The following CSMD1 variants were observed in gnomAD, a reference collection of about 807,000 sequenced individuals.
The protein encoded by CSMD1 is CUB and sushi domain-containing protein 1.
A neutral mutation model predicts 417.5 loss-of-function variants in CSMD1; 213 were observed. The ratio of observed to expected loss-of-function variants is 0.51; its 90% CI spans 0.46 to 0.57. CSMD1 has a LOEUF of 0.57. Among genes scored for constraint, CSMD1 ranks in the 20% least tolerant of loss-of-function variants. The pLI, the probability that CSMD1 is intolerant of heterozygous loss-of-function variation, is 0.00. For synonymous variants in CSMD1, 2,862 were observed against 1,736.8 expected (o/e 1.65, Z -16.11); for missense variants, 6,923 against 4,529.7 (o/e 1.53, Z -15.17).
At chr8:4,122,569 G>T (rs1802545994) in intron 3 of CSMD1, among the ~76,000 whole-genome samples, 1 of 152,132 alleles carries the variant, frequency 6.6e-6, no homozygotes, top group South Asian at 2.1e-4. Context: ...CCCAATGTTT[G>T]GAGGACATCG....
At position 3,402,979 on chromosome 8, in the gene CSMD1, G is replaced by C. The variant is rs1812131936; in HGVS notation, c.2266+3048C>G. On this transcript the variant is annotated intron_variant, in intron 15 of 69. Transcript: ENST00000635120. ...TCTCATAGAAAGTACTGTTCTAATG[G>C]TTTCCAGATGGGATAGTATAGGCAT... Among the ~76,000 whole-genome samples, 3 of 152,172 alleles carry C rather than the reference G, an allele frequency of 2.0e-5. No homozygotes were observed. The South Asian group carries it at 6.2e-4, about 32-fold the overall frequency.
chr8:4,337,809 G>C (rs917561343), intron 3 of CSMD1, among the ~76,000 whole-genome samples: 1 of 152,098 alleles, frequency 6.6e-6, no homozygotes, highest in Non-Finnish European at 1.5e-5. Flanking sequence ...TTTTTAATCA[G>C]TAGAATAAAT....
At chr8:3,805,932 C>G (rs10103340) in intron 5 of CSMD1, among the ~76,000 whole-genome samples, 53,761 of 151,806 alleles carry the variant, frequency 0.35, 9,825 homozygotes, top group Middle Eastern at 0.42. Flanking sequence ...AAAGCACTGA[C>G]ACACCTGCTC....
chr8:4,289,078 AATT>A (rs1311247237), intron 3 of CSMD1, among the ~76,000 whole-genome samples: 1 of 152,206 alleles, frequency 6.6e-6, no homozygotes, highest in African/African-American at 2.4e-5. Context: ...ATGAAAATAA[AATT>A]ATATTTGGTG....
intron 1 of CSMD1, among the ~76,000 whole-genome samples, chr8:4,677,080 TAG>T (rs1446605440): frequency 6.8e-6 from 1 of 146,218 alleles, no homozygotes; most frequent in East Asian, 2.0e-4. Context: ...ATGATATATA[TAG>T]GGATATATAT....
intron 3 of CSMD1, among the ~76,000 whole-genome samples, chr8:4,242,799 G>A (rs1388763420): frequency 1.3e-5 from 2 of 152,174 alleles, no homozygotes; most frequent in Non-Finnish European, 2.9e-5. Flanking sequence ...TATAAAGTTG[G>A]AGGAAACCTT....
rs535614689 is a variant in CSMD1 at position 4,361,965 on chromosome 8, AAAAT to A, written c.415+57984_415+57987del. Among the ~76,000 whole-genome samples the A allele has an allele frequency of 1.0e-3, 152 of 151,956 alleles. 1 individual carries two copies. The highest frequency in any genetic ancestry group is 3.4e-3 in the African/African-American group (139 of 41,460). ...GGGCAACACAGCAAGACTCCATCTC[AAAAT>A]AAATAAATAAATAAATAAATAAAGT... On this transcript the variant is annotated intron_variant, in intron 3 of 69. Transcript: ENST00000635120.
chr8:4,751,819 T>G (rs914444078), intron 1 of CSMD1, among the ~76,000 whole-genome samples: 7 of 152,314 alleles, frequency 4.6e-5, no homozygotes, highest in Non-Finnish European at 8.8e-5. Flanking sequence ...GTCCACATGA[T>G]GTCTTCGGTT....
chr8:4,084,389 G>T (rs978785440), intron 3 of CSMD1, among the ~76,000 whole-genome samples: 1 of 151,134 alleles, frequency 6.6e-6, no homozygotes, highest in East Asian at 1.9e-4. Flanking sequence ...AACAATATGC[G>T]ATTTAAATTT....
At chr8:4,514,719 C>G (rs533237112) in intron 2 of CSMD1, among the ~76,000 whole-genome samples, 1 of 152,200 alleles carries the variant, frequency 6.6e-6, no homozygotes, top group East Asian at 1.9e-4. Context: ...ATTAAACCTG[C>G]TATTAGTAAC....
intron 6 of CSMD1, 36 bp downstream of exon 6, chr8:3,753,894 G>GTTTTT: frequency 2.7e-6 from 3 of 1,120,674 alleles, no homozygotes; most frequent in African/African-American, 1.6e-5. Context: ...ATTACGCTCT[G>GTTTTT]TTTTTTTTTT....
At chr8:4,901,772 G>C (rs182547891) in intron 1 of CSMD1, among the ~76,000 whole-genome samples, 99 of 152,232 alleles carry the variant, frequency 6.5e-4, no homozygotes, top group African/African-American at 2.3e-3. Flanking sequence ...ATAGGGAGAG[G>C]TGCCTTCCTT....
intron 3 of CSMD1, among the ~76,000 whole-genome samples, chr8:4,094,937 G>C (rs1286358047): frequency 6.6e-6 from 1 of 152,182 alleles, no homozygotes; most frequent in Non-Finnish European, 1.5e-5. Context: ...TGAAGGTTTT[G>C]AACTGGGAAT....
In CSMD1 at chr8:4,905,621, C is replaced by T. The variant is rs557768345; in HGVS notation, c.85+88711G>A. ...CATCACGAGGTCATGAGATCGAGGC[C>T]ATCCTGGCTAACACGGTGAAACCCC... On this transcript the variant is annotated intron_variant, in intron 1 of 69. Coordinates refer to ENST00000635120, the MANE Select transcript of CSMD1 (RefSeq NM_033225.6). 3.3e-5 allele frequency among the ~76,000 whole-genome samples: 5 copies of T among 151,724 alleles called. No homozygotes were observed. The South Asian group carries it at 1.0e-3, about 32-fold the overall frequency.
intron 12 of CSMD1, among the ~76,000 whole-genome samples, chr8:3,439,250 C>G (rs919714020): frequency 8.2e-6 from 1 of 122,472 alleles, no homozygotes; most frequent in Non-Finnish European, 1.6e-5. Flanking sequence ...AGTGACTCAA[C>G]TTCTCTATTT....
In CSMD1 at chr8:3,458,648, C is replaced by T. The variant is rs747824616; in HGVS notation, c.1561+10064G>A. 3.3e-5 allele frequency among the ~76,000 whole-genome samples: 5 copies of T among 152,168 alleles called. No homozygotes were observed. In the East Asian group the frequency reaches 7.7e-4, roughly 23 times the overall value. ...ACGCTAGTTGGCCTAGCTGGTAATT[C>T]ACCTAAAGAAAACAATAGCAACAAT... On this transcript the variant is annotated intron_variant, in intron 12 of 69. Transcript: ENST00000635120.
chr8:2,970,822 A>C (rs957341508), intron 57 of CSMD1, among the ~76,000 whole-genome samples: 1 of 152,210 alleles, frequency 6.6e-6, no homozygotes, highest in African/African-American at 2.4e-5. Context: ...AGAAACGTTG[A>C]AATTTTACTA....
intron 10 of CSMD1, among the ~76,000 whole-genome samples, chr8:3,553,571 C>T (rs141251847): frequency 6.6e-6 from 1 of 152,312 alleles, no homozygotes; most frequent in East Asian, 1.9e-4. Flanking sequence ...AATTACAGCT[C>T]TACCTTTTAT....
At chr8:3,471,193 A>T (rs571272821) in intron 11 of CSMD1, among the ~76,000 whole-genome samples, 61 of 152,268 alleles carry the variant, frequency 4.0e-4, no homozygotes, top group African/African-American at 1.1e-3. Context: ...GCATTTTTCC[A>T]CACTTTAACA....
Sources: gnomAD v4.1 joint callset for allele counts (sites outside exome capture counted in the v4.1 genomes callset) on GRCh38, gnomAD v4.1.1 for gene constraint, MANE v1.5 for transcripts, NCBI Gene and HGNC (gene_info 2026-07-23, HGNC 2026-07-21) for gene names.